Variants in CCDC30 observed in about 807,000 individuals in gnomAD.
The protein encoded by CCDC30 is coiled-coil domain containing 30.
CCDC30 carries 70 observed loss-of-function variants against 100.2 expected under a neutral mutation model. The observed-to-expected ratio is 0.70, with a 90% CI of 0.58 to 0.85. CCDC30 has a LOEUF of 0.85. CCDC30 is among the 40% of genes least tolerant of loss of function. The pLI is 0.00. For missense variants in CCDC30, 652 were observed against 771.2 expected (o/e 0.85, Z 1.83); for synonymous variants, 233 against 269.5 (o/e 0.86, Z 1.33).
At chr1:42,469,403 A>C (rs1643692614) in intron 1 of CCDC30, among the ~76,000 whole-genome samples, 1 of 152,184 alleles carries the variant, frequency 6.6e-6, no homozygotes, top group African/African-American at 2.4e-5. Flanking sequence ...GGCAAAATGC[A>C]GCAAGTGTAA....
intron 6 of CCDC30, among the ~76,000 whole-genome samples, chr1:42,514,869 T>A (rs932946943): frequency 2.4e-4 from 36 of 152,116 alleles, no homozygotes; most frequent in African/African-American, 6.3e-4. Flanking sequence ...GCCAGGCTGG[T>A]CTTGAACTCC....
chr1:42,656,280 G>A (rs1648654813), downstream of CCDC30, among the ~76,000 whole-genome samples: 1 of 152,176 alleles, frequency 6.6e-6, no homozygotes, highest in Non-Finnish European at 1.5e-5. Context: ...ATTGGACTGA[G>A]TCAAAGGATA....
chr1:42,515,875 T>A (rs1215156243), intron 6 of CCDC30, among the ~76,000 whole-genome samples: 1 of 152,234 alleles, frequency 6.6e-6, no homozygotes, highest in East Asian at 1.9e-4. Flanking sequence ...TGTTATAGCA[T>A]GTGTCAGAAT....
chr1:42,572,220 TA>T lies in CCDC30; in HGVS notation c.637-4799del, dbSNP rs573103702. 3.7e-3 allele frequency among the ~76,000 whole-genome samples: 561 copies of T among 152,344 alleles called. 2 individuals are homozygous for T. The highest frequency in any genetic ancestry group is 0.013 in the African/African-American group (541 of 41,580). On this transcript the variant is annotated intron_variant, in intron 7 of 16. Coordinates refer to ENST00000668663, the Ensembl canonical transcript of CCDC30. Reference sequence around the variant, plus strand: ...TTTTTGCAAACCTAGTATACGTGTATAGCAGTAGTTCCTTGTGGTTTTAGTG... The same window carrying T: ...TTTTTGCAAACCTAGTATACGTGTATGCAGTAGTTCCTTGTGGTTTTAGTG...
the CCDC30 span, chr1:42,456,751 C>T: frequency 3.7e-6 from 6 of 1,611,368 alleles, no homozygotes; most frequent in Non-Finnish European, 5.1e-6. Context: ...ACTTCAGCAG[C>T]GGGCGGCGCG....
chr1:42,543,546 C>G (rs911270935), intron 6 of CCDC30, among the ~76,000 whole-genome samples: 2 of 152,146 alleles, frequency 1.3e-5, no homozygotes, highest in African/African-American at 4.8e-5. Flanking sequence ...GTCTCAAACT[C>G]CGGCAATCTT....
chr1:42,481,103 C>T (rs2148454621), intron 2 of CCDC30, among the ~76,000 whole-genome samples: 1 of 141,136 alleles, frequency 7.1e-6, no homozygotes, highest in Admixed American at 7.1e-5. Flanking sequence ...AAAGCATGAC[C>T]TCATCTCTTA....
intron 6 of CCDC30, among the ~76,000 whole-genome samples, chr1:42,540,967 G>A (rs529129276): frequency 1.2e-4 from 19 of 152,230 alleles, no homozygotes; most frequent in African/African-American, 3.9e-4. Context: ...TGTCTCTATA[G>A]CTCCTTCAAT....
intron 6 of CCDC30, among the ~76,000 whole-genome samples, chr1:42,533,316 A>T (rs1252827188): frequency 6.6e-6 from 1 of 152,204 alleles, no homozygotes; most frequent in Non-Finnish European, 1.5e-5. Flanking sequence ...CTGGGCATGT[A>T]GTAAAAGCAG....
chr1:42,584,398 C>G (rs1200300597), intron 9 of CCDC30, among the ~76,000 whole-genome samples: 1 of 152,168 alleles, frequency 6.6e-6, no homozygotes, highest in Non-Finnish European at 1.5e-5. Flanking sequence ...TGAGACCAGC[C>G]TGGCCAACAT....
chr1:42,516,965 T>G (rs1418975266), intron 6 of CCDC30, among the ~76,000 whole-genome samples: 4 of 152,192 alleles, frequency 2.6e-5, no homozygotes, highest in Non-Finnish European at 5.9e-5. Context: ...TTAGGTTTGG[T>G]TTTTCTTATA....
chr1:42,630,974 G>A (rs773157481), intron 11 of CCDC30, among the ~76,000 whole-genome samples: 1 of 152,076 alleles, frequency 6.6e-6, no homozygotes, highest in Non-Finnish European at 1.5e-5. Context: ...CTGGTGCCTT[G>A]TTTAGTTCAT....
At chr1:42,467,961 G>C (rs970987950) in intron 1 of CCDC30, among the ~76,000 whole-genome samples, 2 of 152,238 alleles carry the variant, frequency 1.3e-5, no homozygotes, top group African/African-American at 4.8e-5. Context: ...GTTTTTCTCT[G>C]TAGAGAAGCA....
At chr1:42,476,676 G>T (rs1436484397) in intron 1 of CCDC30, among the ~76,000 whole-genome samples, 1 of 147,606 alleles carries the variant, frequency 6.8e-6, no homozygotes, top group Non-Finnish European at 1.5e-5. Context: ...GGCAAAAGGA[G>T]TGAAACTCCT....
chr1:42,456,437 G>A, the CCDC30 span: 1 of 996,630 alleles, frequency 1.0e-6, no homozygotes, highest in Non-Finnish European at 1.4e-6. Flanking sequence ...GGCGAGATCG[G>A]GACCTAGTGT....
intron 15 of CCDC30, among the ~76,000 whole-genome samples, chr1:42,652,574 G>T (rs1648443870): frequency 6.6e-6 from 1 of 152,094 alleles, no homozygotes. Context: ...CCAGAAACTT[G>T]TAGATAAATA....
chr1:42,462,726 G>A (rs1483266368), upstream of CCDC30, among the ~76,000 whole-genome samples: 3 of 152,048 alleles, frequency 2.0e-5, no homozygotes, highest in East Asian at 1.9e-4. Context: ...TTACATAGGT[G>A]GGGAAGATAA....
At chr1:42,588,688 G>A (rs964646810) in intron 9 of CCDC30, among the ~76,000 whole-genome samples, 1 of 152,146 alleles carries the variant, frequency 6.6e-6, no homozygotes, top group Non-Finnish European at 1.5e-5. Flanking sequence ...CAGTTTCAGG[G>A]AGGGGATGGG....
At chr1:42,611,627 T>G (rs1403152522) in intron 11 of CCDC30, among the ~76,000 whole-genome samples, 1 of 146,624 alleles carries the variant, frequency 6.8e-6, no homozygotes, top group African/African-American at 2.4e-5. Context: ...ACATTTGGTT[T>G]TTAGGCAGTT....
Sources: gnomAD v4.1 joint callset for allele counts (sites outside exome capture counted in the v4.1 genomes callset) on GRCh38, gnomAD v4.1.1 for gene constraint, MANE v1.5 for transcripts, NCBI Gene and HGNC (gene_info 2026-07-23, HGNC 2026-07-21) for gene names.